The following RNF6 variants were observed in gnomAD, a reference collection of about 807,000 sequenced individuals.
RNF6 encodes the protein E3 ubiquitin-protein ligase RNF6.
A neutral mutation model predicts 50.1 loss-of-function variants in RNF6; 21 were observed. That is an observed-to-expected ratio of 0.42 (90% CI 0.30 to 0.60). The LOEUF (loss-of-function observed/expected upper bound fraction) is 0.60. Among genes scored for constraint, RNF6 ranks in the 20% least tolerant of loss-of-function variants. The probability of loss-of-function intolerance (pLI) is 0.20; values close to 1 mark genes in which losing one functional copy is unlikely to be tolerated. For synonymous variants in RNF6, 255 were observed against 291.8 expected (o/e 0.87, Z 1.29); for missense variants, 698 against 838.2 (o/e 0.83, Z 2.07).
intron 5 of RNF6, among the ~76,000 whole-genome samples, chr13:26,184,224 G>A (rs1336929821): frequency 1.3e-5 from 2 of 151,454 alleles, no homozygotes; most frequent in African/African-American, 4.9e-5. Flanking sequence ...GCAGAGACGG[G>A]GTTCCACCCT....
At chr13:26,174,961 G>A (rs376422860) in intron 5 of RNF6, among the ~76,000 whole-genome samples, 1 of 152,158 alleles carries the variant, frequency 6.6e-6, no homozygotes, top group East Asian at 1.9e-4. Context: ...CCTATTTCCA[G>A]AGTCACTGGG....
chr13:26,168,566 G>T (rs1468012666), intron 5 of RNF6, among the ~76,000 whole-genome samples: 1 of 152,148 alleles, frequency 6.6e-6, no homozygotes, highest in Non-Finnish European at 1.5e-5. Flanking sequence ...TCTTACAGGG[G>T]TTGTTTACGT....
At chr13:26,145,301 C>G (rs167291) in intron 5 of RNF6, among the ~76,000 whole-genome samples, 151,019 of 152,352 alleles carry the variant, frequency 0.99, 74,862 homozygotes, top group Middle Eastern at 1. Context: ...CTCAGGTGAT[C>G]GGAATGTGGT....
chr13:26,219,683 A>G lies in RNF6; in HGVS notation c.-18-16T>C, dbSNP rs1389554835. ...TCCTGGCTTTCTGTTCAAACAATAT[A>G]AACAACATTCAAGGTGTTAAGTCAT... On this transcript the variant is annotated splice_polypyrimidine_tract_variant and intron_variant, in intron 2 of 4. Transcript: ENST00000381588. 4.4e-6 allele frequency: 7 copies of G among 1,602,030 alleles called. No homozygotes were observed. In the Admixed American group the frequency reaches 5.1e-5, roughly 12 times the overall value.
chr13:26,219,507 T>C lies in RNF6; in HGVS notation c.143A>G (p.Asn48Ser), dbSNP rs3910433. The change falls in exon 3 of 5, where the codon AAT becomes AGT. Residue 48 changes from asparagine to serine, a missense_variant. By Grantham distance (46) the Asn-to-Ser change is conservative. Coordinates refer to ENST00000381588, the MANE Select transcript of RNF6 (RefSeq NM_005977.4). ...TCTCATAAGCCGATAATCTTCATCA[T>C]TGAGTTCATTAATAAACTGATAATA... is the stretch of plus-strand genomic sequence containing the variant. ...EAYYQFINEL[N>S]DEDYRLMRDH... 0.012 allele frequency: 18,924 copies of C among 1,613,896 alleles called. 719 individuals carry two copies. Among genetic ancestry groups the C allele is most frequent in the South Asian group, 0.076 (6,877 of 91,054 alleles).
chr13:26,218,520 T>C lies in RNF6; in HGVS notation c.280A>G (p.Asn94Asp). The change falls in exon 4 of 5, where the codon AAT becomes GAT. Residue 94 changes from asparagine to aspartate, a missense_variant. By Grantham distance (23) the Asn-to-Asp change is conservative. Coordinates refer to ENST00000381588, the MANE Select transcript of RNF6 (RefSeq NM_005977.4). ...ASQPDLRDGT[N>D]YRDSEVPRES... Reference sequence around the variant, plus strand: ...AAGGACTCCATAGTACCTCTGTAATTCGTTCCATCTCTCAAGTCAGGCTGA... The same window carrying C: ...AAGGACTCCATAGTACCTCTGTAATCCGTTCCATCTCTCAAGTCAGGCTGA... 4 of 1,613,228 alleles carry C rather than the reference T, an allele frequency of 2.5e-6. No individual in the cohort carries two copies. Among genetic ancestry groups the C allele is most frequent in the Non-Finnish European group, 2.5e-6 (3 of 1,179,236 alleles).
intron 5 of RNF6, among the ~76,000 whole-genome samples, chr13:26,155,221 A>C (rs1427323238): frequency 1.3e-5 from 2 of 152,172 alleles, no homozygotes; most frequent in African/African-American, 2.4e-5. Flanking sequence ...GTAAGCTACG[A>C]TCATGCCACT....
chr13:26,203,785 C>A (rs1354598686), intron 5 of RNF6, among the ~76,000 whole-genome samples: 1 of 152,108 alleles, frequency 6.6e-6, no homozygotes, highest in Admixed American at 6.5e-5. Flanking sequence ...CACAGTGAAA[C>A]CTCATCTCTA....
intron 5 of RNF6, among the ~76,000 whole-genome samples, chr13:26,176,368 T>C (rs1393731993): frequency 1.3e-5 from 2 of 152,184 alleles, no homozygotes; most frequent in Non-Finnish European, 2.9e-5. Flanking sequence ...TAGCTCACTG[T>C]ATCCTTGAAC....
At chr13:26,141,703 T>C (rs1392125460) in intron 5 of RNF6, among the ~76,000 whole-genome samples, 1 of 152,128 alleles carries the variant, frequency 6.6e-6, no homozygotes. Flanking sequence ...ATTGGACTCC[T>C]ACCTCTCACC....
intron 5 of RNF6, among the ~76,000 whole-genome samples, chr13:26,170,097 C>T (rs1032194741): frequency 3.3e-5 from 5 of 152,156 alleles, no homozygotes; most frequent in Middle Eastern, 3.4e-3. Context: ...CCTGTATGCC[C>T]TCAACACTAA....
intron 5 of RNF6, among the ~76,000 whole-genome samples, chr13:26,145,875 A>C (rs1477132750): frequency 6.6e-6 from 1 of 152,200 alleles, no homozygotes; most frequent in Non-Finnish European, 1.5e-5. Context: ...TCTACAGGTC[A>C]GGGAACCAAT....
chr13:26,214,766 A>G lies in RNF6; in HGVS notation c.1116T>C (p.Leu372=). 6.2e-7 allele frequency: 1 copy of G among 1,614,148 alleles called. No homozygotes were observed. The change falls in exon 5 of 5, where the codon CTT becomes CTC. Residue 372 remains leucine, a synonymous_variant. Transcript: ENST00000381588. ...CTTCTTCTACTGTTATTCTTGACAC[A>G]AGCCTTGAATTAGAGAATGGGGTAT... ...TAYTPFSNSR[L]VSRITVEEGE...
chr13:26,196,430 C>T (rs1868667388), intron 5 of RNF6, among the ~76,000 whole-genome samples: 2 of 152,188 alleles, frequency 1.3e-5, no homozygotes, highest in Non-Finnish European at 1.5e-5. Context: ...GTGGGTGGAT[C>T]ATCTGAGGTT....
intron 5 of RNF6, among the ~76,000 whole-genome samples, chr13:26,203,909 C>A (rs1338314506): frequency 6.6e-6 from 1 of 152,106 alleles, no homozygotes. Context: ...GCCCAGATCG[C>A]GCCACTGCAC....
chr13:26,175,161 A>G (rs1872891543), intron 5 of RNF6, among the ~76,000 whole-genome samples: 1 of 151,614 alleles, frequency 6.6e-6, no homozygotes, highest in South Asian at 2.1e-4. Context: ...GCTCACTGCA[A>G]CCTCCACCTC....
At chr13:26,158,054 A>G (rs1872032243) in intron 5 of RNF6, among the ~76,000 whole-genome samples, 1 of 152,130 alleles carries the variant, frequency 6.6e-6, no homozygotes, top group South Asian at 2.1e-4. Context: ...CTAGAAAGAC[A>G]AATGGATGAA....
At chr13:26,198,876 A>G (rs560716409) in intron 5 of RNF6, among the ~76,000 whole-genome samples, 1 of 152,130 alleles carries the variant, frequency 6.6e-6, no homozygotes, top group African/African-American at 2.4e-5. Flanking sequence ...AAAAAATAAC[A>G]TTTACAATAA....
intron 5 of RNF6, among the ~76,000 whole-genome samples, chr13:26,147,787 A>G (rs1871327731): frequency 2.0e-5 from 3 of 152,222 alleles, no homozygotes; most frequent in Admixed American, 6.5e-5. Flanking sequence ...ACAGGACACA[A>G]GAGTCTCCTT....
Sources: allele counts gnomAD v4.1 joint callset (sites outside exome capture counted in the v4.1 genomes callset), GRCh38; gene constraint gnomAD v4.1.1; transcripts MANE v1.5; gene names NCBI Gene and HGNC (gene_info 2026-07-23, HGNC 2026-07-21).